The following PLB1 variants were observed in gnomAD, a reference collection of about 807,000 sequenced individuals.
PLB1 encodes the protein phospholipase B1.
PLB1 carries 242 observed loss-of-function variants against 227.4 expected under a neutral mutation model. That is an observed-to-expected ratio of 1.06 (90% CI 0.96 to 1.18). PLB1 has a LOEUF of 1.18. Among genes scored for constraint, PLB1 ranks in the 50% most tolerant of loss-of-function variants. PLB1 has a pLI of 0.00. For missense variants in PLB1, 1,858 were observed against 1,816.3 expected (o/e 1.02, Z -0.42); for synonymous variants, 757 against 682.2 (o/e 1.11, Z -1.71).
At chr2:28,597,062 G>GA (rs1202716356) in intron 33 of PLB1, among the ~76,000 whole-genome samples, 1 of 152,152 alleles carries the variant, frequency 6.6e-6, no homozygotes, top group Non-Finnish European at 1.5e-5. Context: ...AGGAGATCGA[G>GA]ACCATCCTGG....
intron 19 of PLB1, among the ~76,000 whole-genome samples, chr2:28,565,991 T>G (rs544541876): frequency 6.6e-6 from 1 of 152,288 alleles, no homozygotes; most frequent in South Asian, 2.1e-4. Context: ...AGCAGATGCT[T>G]CCTGGCCCCC....
chr2:28,562,656 ATAGAT>A (rs1288763485), intron 17 of PLB1, among the ~76,000 whole-genome samples: 4 of 152,040 alleles, frequency 2.6e-5, no homozygotes, highest in African/African-American at 9.7e-5. Flanking sequence ...AGATCCTAGA[ATAGAT>A]TAAGTATTGG....
chr2:28,627,385 G>A lies in PLB1; in HGVS notation c.3660+877G>A, dbSNP rs140154225. 7.8e-3 allele frequency among the ~76,000 whole-genome samples: 1,191 copies of A among 152,294 alleles called. 5 individuals carry two copies. The highest frequency in any genetic ancestry group is 0.013 in the African/African-American group (523 of 41,556). On this transcript the variant is annotated intron_variant, in intron 51 of 57. Transcript: ENST00000327757. ...CTGCGTGGACACTGTGGACGCTGGC[G>A]TAGGGAAATGCCCTCTACTAGTCCC...
chr2:28,606,448 A>G, intron 42 of PLB1, 48 bp from the exon 43 acceptor site: 1 of 1,561,640 alleles, frequency 6.4e-7, no homozygotes, highest in South Asian at 1.1e-5. Context: ...GTTCACTTCC[A>G]TGGAAACAAA....
chr2:28,553,501 C>T (rs1434657179), intron 17 of PLB1, among the ~76,000 whole-genome samples: 1 of 152,188 alleles, frequency 6.6e-6, no homozygotes, highest in Non-Finnish European at 1.5e-5. Flanking sequence ...ATGGGGTGTT[C>T]TAGGCAGTCA....
chr2:28,579,620 A>C lies in PLB1; in HGVS notation c.1486-7A>C, dbSNP rs372986127. 6.2e-7 allele frequency: 1 copy of C among 1,607,778 alleles called. No homozygotes were observed. The highest frequency in any genetic ancestry group is 8.5e-7 in the Non-Finnish European group (1 of 1,174,498). ...GGTGCTTACTTCTGTGTTTCTATTC[A>C]TTTCAGAGGATACACTTTCAGGAAG... On this transcript the variant is annotated splice_polypyrimidine_tract_variant and splice_region_variant and intron_variant, in intron 22 of 57. Coordinates refer to ENST00000327757, the MANE Select transcript of PLB1 (RefSeq NM_153021.5).
intron 10 of PLB1, 80 bp downstream of exon 10, chr2:28,538,461 T>C (rs571779418): frequency 7.5e-7 from 1 of 1,329,078 alleles, no homozygotes; most frequent in East Asian, 2.4e-5. Context: ...GGTGGGGAAA[T>C]GGACCCCTGT....
In PLB1 at chr2:28,606,469, C is replaced by T. The variant is rs182221618; in HGVS notation, c.3058-27C>T. 17 of 1,603,024 alleles carry T rather than the reference C, an allele frequency of 1.1e-5. No individual in the cohort carries two copies. In the Admixed American group the frequency reaches 2.0e-4, roughly 19 times the overall value. ...TTCCATGGAAACAAACTACTACACC[C>T]GTGTCTCTCTTTTCTTCCCTGATCA... On this transcript the variant is annotated intron_variant, in intron 42 of 57. Transcript: ENST00000327757.
intron 1 of PLB1, among the ~76,000 whole-genome samples, chr2:28,498,386 T>C (rs1558618194): frequency 6.8e-6 from 1 of 147,618 alleles, no homozygotes. Context: ...GGTTATATAA[T>C]CAAAATATTG....
At chr2:28,581,558 C>G (rs1680018278) in intron 23 of PLB1, among the ~76,000 whole-genome samples, 1 of 125,302 alleles carries the variant, frequency 8.0e-6, no homozygotes, top group South Asian at 2.6e-4. Context: ...GAGGCATAGG[C>G]ATTTCCCTGA....
intron 55 of PLB1, 67 bp from the exon 56 acceptor site, chr2:28,632,877 A>AGAGT: frequency 8.5e-7 from 1 of 1,182,666 alleles, no homozygotes; most frequent in South Asian, 1.2e-5. Flanking sequence ...ACCTGCTGGG[A>AGAGT]GAGTGAGTGG....
chr2:28,541,719 A>AGGCTCCTG lies in PLB1; in HGVS notation c.788_789insGCTCCTGG (p.Ser263ArgfsTer53), dbSNP rs1346255312. On this transcript the variant is annotated frameshift_variant, in exon 13 of 58. Coordinates refer to ENST00000327757, the MANE Select transcript of PLB1 (RefSeq NM_153021.5). LOFTEE classifies it high-confidence loss of function. ...CTCCCTTCTCCAGGAAGCCTGGAACAGCCTCCTGGCCTCCAGCAGGTACAG... is the reference window on the plus strand; with the variant it reads ...CTCCCTTCTCCAGGAAGCCTGGAACAGGCTCCTGGCCTCCTGGCCTCCAGCAGGTACAG... 6.2e-7 allele frequency: 1 copy of AGGCTCCTG among 1,613,770 alleles called. No individual in the cohort carries two copies. Among genetic ancestry groups the AGGCTCCTG allele is most frequent in the African/African-American group, 1.3e-5 (1 of 74,936 alleles).
At chr2:28,631,595 T>C (rs1573569848) in intron 54 of PLB1, among the ~76,000 whole-genome samples, 1 of 152,228 alleles carries the variant, frequency 6.6e-6, no homozygotes, top group East Asian at 1.9e-4. Context: ...TCCCGCAAAG[T>C]TCATGGGCAT....
At position 28,643,735 on chromosome 2, in the gene PLB1, G is replaced by A. The variant is rs1690209589; in HGVS notation, c.*674G>A. 6.6e-6 allele frequency: 1 copy of A among 152,210 alleles called. No homozygotes were observed. Among genetic ancestry groups the A allele is most frequent in the South Asian group, 2.1e-4 (1 of 4,830 alleles). The allele number at this position is 152,210 out of a possible 1,614,324, so 9.4% of individuals were successfully genotyped here. A position where few individuals can be genotyped will look rare whatever the true frequency, so the allele number is the denominator to read the frequency against. On this transcript the variant is annotated 3_prime_UTR_variant, in exon 58 of 58. Coordinates refer to ENST00000327757, the MANE Select transcript of PLB1 (RefSeq NM_153021.5). The stretch of plus-strand genomic sequence containing the variant: ...TTCGGGGAAAGTTTCTTGGGGGAGA[G>A]CAACCTTCACATGTCATTTTGGGAA...
chr2:28,598,829 C>T (rs1355969318), intron 35 of PLB1, 69 bp downstream of exon 35: 3 of 1,358,432 alleles, frequency 2.2e-6, no homozygotes, highest in Admixed American at 1.7e-5. Context: ...CCTTTAAGAC[C>T]ATGGGGCTGG....
At position 28,527,234 on chromosome 2, in the gene PLB1, C is replaced by T. The variant is rs140009453; in HGVS notation, c.325+1289C>T. On this transcript the variant is annotated intron_variant, in intron 6 of 57. Transcript: ENST00000327757. ...CTGTTACAAGTCTGAGTGCCCCTCT[C>T]TAAGCAGAGGGGCCAGGAGTCCCAG... Among the ~76,000 whole-genome samples, 1,238 of 152,312 alleles carry T rather than the reference C, an allele frequency of 8.1e-3. 23 individuals carry two copies. Among genetic ancestry groups the T allele is most frequent in the African/African-American group, 0.028 (1,184 of 41,562 alleles).
intron 43 of PLB1, among the ~76,000 whole-genome samples, chr2:28,610,832 G>A (rs1685343333): frequency 6.6e-6 from 1 of 152,232 alleles, no homozygotes; most frequent in Middle Eastern, 3.4e-3. Context: ...AGCCCACACC[G>A]TCTTTGCATG....
intron 43 of PLB1, among the ~76,000 whole-genome samples, chr2:28,607,838 C>T (rs1035612971): frequency 3.3e-5 from 5 of 152,166 alleles, no homozygotes; most frequent in African/African-American, 1.2e-4. Context: ...TACTGAATAT[C>T]AGCCATGGAG....
chr2:28,554,684 T>C (rs545286480), intron 17 of PLB1, among the ~76,000 whole-genome samples: 1 of 152,100 alleles, frequency 6.6e-6, no homozygotes, highest in East Asian at 1.9e-4. Flanking sequence ...CCATTCCCTT[T>C]TTAATCTTAT....
Sources: allele counts gnomAD v4.1 joint callset (sites outside exome capture counted in the v4.1 genomes callset), GRCh38; gene constraint gnomAD v4.1.1; transcripts MANE v1.5; gene names NCBI Gene and HGNC (gene_info 2026-07-23, HGNC 2026-07-21).